Variants in LSG1 observed in about 807,000 individuals in gnomAD.
LSG1 encodes large 60S subunit nuclear export GTPase 1.
Under a neutral mutation model 82.6 loss-of-function variants are expected in LSG1, and 55 were observed. The observed-to-expected ratio is 0.67, with a 90% CI of 0.54 to 0.83. LSG1 has a LOEUF of 0.83. Ranked by LOEUF, LSG1 falls within the 40% of genes least tolerant of loss-of-function variation. The pLI is 0.00. For missense variants in LSG1, 809 were observed against 807.9 expected, an observed-to-expected ratio of 1.00 and a Z score of -0.02; for synonymous variants, 272 against 282.5, an observed-to-expected ratio of 0.96 and a Z score of 0.37.
Position 194,650,991 on chromosome 3 carries a change from C to A in LSG1, c.1309G>T (p.Asp437Tyr). 6.2e-7 allele frequency: 1 copy of A among 1,614,160 alleles called. No individual in the cohort carries two copies. The highest frequency in any genetic ancestry group is 1.1e-5 in the South Asian group (1 of 91,054). Residue 437 changes from aspartate (D) to tyrosine (Y), a missense_variant, in exon 10 of 14, where the codon GAC becomes TAC. Physicochemically the swap from Asp to Tyr is radical, Grantham distance 160. Transcript: ENST00000265245. ...GATGGCATCACCAAGCCAGGACAGT[C>A]ACACAGGCAGAGGCCAGGCTCCACA... is the stretch of plus-strand genomic sequence containing the variant. ...LYVEPGLCLC[D>Y]CPGLVMPSFV...
chr3:194,650,753 T>G (rs1718656357), intron 10 of LSG1, 128 bp downstream of exon 10: 4 of 907,072 alleles, frequency 4.4e-6, no homozygotes, highest in South Asian at 1.7e-5. Flanking sequence ...TATCTCACAG[T>G]ATAAACTTGT....
At chr3:194,667,980 A>T (rs1272389512) in intron 2 of LSG1, among the ~76,000 whole-genome samples, 1 of 141,914 alleles carries the variant, frequency 7.0e-6, no homozygotes, top group Non-Finnish European at 1.5e-5. Flanking sequence ...GCTTTACTAC[A>T]ATATGATTCA....
At chr3:194,644,517 A>C in intron 13 of LSG1, 56 bp downstream of exon 13, 1 of 1,409,592 alleles carries the variant, frequency 7.1e-7, no homozygotes, top group South Asian at 1.3e-5. Context: ...ATACTCAATA[A>C]AGCTGTTATA....
chr3:194,650,572 A>T (rs575818654), intron 10 of LSG1: 1 of 250,522 alleles, frequency 4.0e-6, no homozygotes. Flanking sequence ...AGAGAAAAGG[A>T]AAGTATTTGG....
chr3:194,650,763 T>C, intron 10 of LSG1, 118 bp downstream of exon 10: 6 of 1,013,324 alleles, frequency 5.9e-6, no homozygotes, highest in East Asian at 2.5e-5. Context: ...TATAAACTTG[T>C]GCAGATCACT....
intron 10 of LSG1, 179 bp from the exon 11 acceptor site, chr3:194,648,983 A>G (rs1718614832): frequency 5.3e-6 from 3 of 562,494 alleles, no homozygotes; most frequent in Admixed American, 7.5e-5. Flanking sequence ...CCTTTTAAAC[A>G]AGGCCTTAAG....
At chr3:194,650,794 A>G in intron 10 of LSG1, 87 bp downstream of exon 10, 1 of 1,372,638 alleles carries the variant, frequency 7.3e-7, no homozygotes, top group Non-Finnish European at 1.0e-6. Flanking sequence ...ATTCTTCATC[A>G]AATCTGAATC....
intron 13 of LSG1, among the ~76,000 whole-genome samples, chr3:194,642,841 G>GT (rs1158843649): frequency 6.6e-6 from 1 of 152,140 alleles, no homozygotes; most frequent in Non-Finnish European, 1.5e-5. Context: ...CCAAATACTG[G>GT]TATGTACCAA....
In LSG1 at chr3:194,660,911, T is replaced by G. The variant is rs1472195607; in HGVS notation, c.522-778A>C. ...ACTGCAAGGAGAAAAAAAAATTCCC[T>G]TCTATGGGAGGCTCCTCCCTTCCTT... On this transcript the variant is annotated intron_variant, in intron 5 of 13. Coordinates refer to ENST00000265245, the MANE Select transcript of LSG1 (RefSeq NM_018385.3). 5 of 456,484 alleles carry G rather than the reference T, an allele frequency of 1.1e-5. No homozygotes were observed. The Admixed American group carries it at 1.2e-4, about 11-fold the overall frequency. The allele number at this position is 456,484 out of a possible 1,614,324, so 28.3% of individuals were successfully genotyped here.
At position 194,645,593 on chromosome 3, in the gene LSG1, C is replaced by G. The variant is rs1165076678; in HGVS notation, c.1623+571G>C. Among the ~76,000 whole-genome samples, 337 of 100,032 alleles carry G rather than the reference C, an allele frequency of 3.4e-3. 9 individuals carry two copies. Among genetic ancestry groups the G allele is most frequent in the Middle Eastern group, 0.016 (3 of 192 alleles). 65.6% of individuals were successfully genotyped at this position (100,032 alleles called of 152,430 possible). A position where few individuals can be genotyped will look rare whatever the true frequency, so the allele number is the denominator to read the frequency against. On this transcript the variant is annotated intron_variant, in intron 12 of 13. Transcript: ENST00000265245. ...ACAGACAGACACACACACACACACA[C>G]ACACACACACACACACACACACACA...
intron 7 of LSG1, among the ~76,000 whole-genome samples, chr3:194,657,062 TG>T (rs1718805308): frequency 6.6e-6 from 1 of 151,896 alleles, no homozygotes; most frequent in Non-Finnish European, 1.5e-5. Flanking sequence ...GACAAGTTAA[TG>T]GGTGCAGCAC....
chr3:194,662,973 C>T (rs1386030682), intron 5 of LSG1, among the ~76,000 whole-genome samples: 1 of 152,088 alleles, frequency 6.6e-6, no homozygotes. Context: ...AGATAAACAC[C>T]ACTAGACACC....
At chr3:194,654,674 T>C (rs1012420668) in intron 7 of LSG1, among the ~76,000 whole-genome samples, 1 of 152,066 alleles carries the variant, frequency 6.6e-6, no homozygotes, top group Non-Finnish European at 1.5e-5. Context: ...AAAACAAGAA[T>C]GTGAACTGAA....
At chr3:194,669,656 G>A (rs1440731649) in intron 2 of LSG1, among the ~76,000 whole-genome samples, 2 of 152,138 alleles carry the variant, frequency 1.3e-5, no homozygotes, top group Non-Finnish European at 2.9e-5. Context: ...GACTCAGGGC[G>A]GGCACGGTGG....
chr3:194,649,255 T>C (rs1243387119), intron 10 of LSG1, among the ~76,000 whole-genome samples: 1 of 152,182 alleles, frequency 6.6e-6, no homozygotes, highest in East Asian at 1.9e-4. Flanking sequence ...GTTATTCAAG[T>C]ACATGCCTCA....
chr3:194,665,645 T>C lies in LSG1; in HGVS notation c.435-2A>G. The C allele has an allele frequency of 6.3e-7, 1 of 1,599,188 alleles. No individual in the cohort carries two copies. ...ATCAGCTTCTGTTCCTCTTCTAGCC[T>C]AGTTTTTGAATGAGAAGTTTATATA... On this transcript the variant is annotated splice_acceptor_variant, in intron 4 of 13. Transcript: ENST00000265245. LOFTEE classifies it high-confidence loss of function.
At position 194,641,046 on chromosome 3, in the gene LSG1, A is replaced by G. The variant is rs1718363459; in HGVS notation, c.*1022T>C. 1 of 152,036 alleles carries G rather than the reference A, an allele frequency of 6.6e-6. No homozygotes were observed. Among genetic ancestry groups the G allele is most frequent in the South Asian group, 2.1e-4 (1 of 4,816 alleles). 9.4% of individuals were successfully genotyped at this position (152,036 alleles called of 1,614,324 possible). A position where few individuals can be genotyped will look rare whatever the true frequency, so the allele number is the denominator to read the frequency against. On this transcript the variant is annotated 3_prime_UTR_variant, in exon 14 of 14. Coordinates refer to ENST00000265245, the MANE Select transcript of LSG1 (RefSeq NM_018385.3). Reference sequence around the variant, plus strand: ...GGGTGGTGCTAAACCGTTCGTGAGGACTCTGCCCCATAATCCCATCGCCTC... The same window carrying G: ...GGGTGGTGCTAAACCGTTCGTGAGGGCTCTGCCCCATAATCCCATCGCCTC...
chr3:194,642,867 A>G (rs1200067455), intron 13 of LSG1, among the ~76,000 whole-genome samples: 1 of 152,184 alleles, frequency 6.6e-6, no homozygotes, highest in Non-Finnish European at 1.5e-5. Flanking sequence ...AAATAATTCA[A>G]ACTAGGAGCT....
intron 7 of LSG1, among the ~76,000 whole-genome samples, chr3:194,653,518 A>T (rs200028497): frequency 1.3e-5 from 2 of 149,946 alleles, no homozygotes; most frequent in Non-Finnish European, 3.0e-5. Context: ...TGTCTCACAA[A>T]AAAAAAAAAA....
Sources: allele counts gnomAD v4.1 joint callset (sites outside exome capture counted in the v4.1 genomes callset), GRCh38; gene constraint gnomAD v4.1.1; transcripts MANE v1.5; gene names NCBI Gene and HGNC (gene_info 2026-07-23, HGNC 2026-07-21).